CFAP20DC: variants seen among roughly 807,000 people sequenced by gnomAD.
The protein encoded by CFAP20DC is protein CFAP20DC.
CFAP20DC carries 84 observed loss-of-function variants against 101.7 expected under a neutral mutation model. The ratio of observed to expected loss-of-function variants is 0.83; its 90% CI spans 0.69 to 0.99. The LOEUF is 0.99. Ranked by LOEUF, CFAP20DC falls within the 50% of genes least tolerant of loss-of-function variation. CFAP20DC has a pLI of 0.00. For missense variants in CFAP20DC, 1,007 were observed against 970.3 expected (o/e 1.04, Z -0.50); for synonymous variants, 359 against 351.2 (o/e 1.02, Z -0.25).
intron 15 of CFAP20DC, among the ~76,000 whole-genome samples, chr3:58,791,141 A>G (rs1249594900): frequency 3.9e-5 from 6 of 152,060 alleles, no homozygotes. Flanking sequence ...GGGTTAAATC[A>G]TCTCCCTGAT....
At chr3:58,816,469 C>T (rs1187291434) in intron 14 of CFAP20DC, among the ~76,000 whole-genome samples, 1 of 152,164 alleles carries the variant, frequency 6.6e-6, no homozygotes, top group Non-Finnish European at 1.5e-5. Flanking sequence ...CGAGGCATTG[C>T]CTCACCTGGG....
intron 5 of CFAP20DC, among the ~76,000 whole-genome samples, chr3:58,929,517 C>G (rs932147206): frequency 2.0e-5 from 3 of 152,078 alleles, no homozygotes; most frequent in African/African-American, 7.2e-5. Flanking sequence ...AGGCATTTCC[C>G]TAAATGTCTT....
chr3:58,936,318 T>A (rs569223115), intron 5 of CFAP20DC, among the ~76,000 whole-genome samples: 58 of 152,138 alleles, frequency 3.8e-4, no homozygotes, highest in Non-Finnish European at 6.0e-4. Context: ...AATTTTACAC[T>A]GTTGCTGGGA....
At chr3:59,013,549 G>T (rs1041437046) in intron 4 of CFAP20DC, among the ~76,000 whole-genome samples, 7 of 152,056 alleles carry the variant, frequency 4.6e-5, no homozygotes, top group Admixed American at 2.6e-4. Flanking sequence ...ACTACAAATT[G>T]TTTGCATTTT....
In CFAP20DC at chr3:58,723,875, G is replaced by GT. The variant is rs536380746; in HGVS notation, c.198-6248dup. Among the ~76,000 whole-genome samples, 7 of 152,278 alleles carry GT rather than the reference G, an allele frequency of 4.6e-5. No individual in the cohort carries two copies. In the South Asian group the frequency reaches 1.2e-3, roughly 27 times the overall value. On this transcript the variant is annotated intron_variant, in intron 3 of 3. Coordinates refer to the CFAP20DC transcript ENST00000486145. ...AGTGGCATAGGGTTTAATAAAAAAT[G>GT]TTTTTTTATGGGAAAGGACAACCAT...
rs2080199954 is a variant in CFAP20DC, at chr3:58,871,393, A to G, written c.716-1084T>C. ...CCCTGAAGGTTTTAGAGAGAAAGAG[A>G]GCAAAACAGTGTCACCTTCAGGATA... is the stretch of plus-strand genomic sequence containing the variant. On this transcript the variant is annotated intron_variant, in intron 7 of 16. Coordinates refer to ENST00000482387, the MANE Select transcript of CFAP20DC (RefSeq NM_001394063.1). 2.6e-5 allele frequency among the ~76,000 whole-genome samples: 4 copies of G among 152,164 alleles called. No homozygotes were observed. The South Asian group carries it at 8.3e-4, about 32-fold the overall frequency.
At chr3:58,927,106 C>A (rs1402735912) in intron 5 of CFAP20DC, among the ~76,000 whole-genome samples, 4 of 152,200 alleles carry the variant, frequency 2.6e-5, no homozygotes, top group South Asian at 4.2e-4. Flanking sequence ...CCATTGAAAA[C>A]CCAAGTTAAA....
rs1247199084 is a variant in CFAP20DC at position 58,864,080 on chromosome 3, T to A, written c.1259-188A>T. Among the ~76,000 whole-genome samples the A allele has an allele frequency of 6.6e-6, 1 of 152,168 alleles. No individual in the cohort carries two copies. Among genetic ancestry groups the A allele is most frequent in the African/African-American group, 2.4e-5 (1 of 41,444 alleles). On this transcript the variant is annotated intron_variant, in intron 11 of 16. Transcript: ENST00000482387. This position sits in a 1 kb window ranked among gnomAD's most constrained non-coding sequence, Gnocchi z 4.7. ...TTCAAGTGATTCTCCTGCCTGAGCCTCCTGAGTAGGTGGGATTACAGGTGC... is the reference window on the plus strand; with the variant it reads ...TTCAAGTGATTCTCCTGCCTGAGCCACCTGAGTAGGTGGGATTACAGGTGC...
intron 4 of CFAP20DC, among the ~76,000 whole-genome samples, chr3:58,937,964 A>G (rs569564487): frequency 6.6e-6 from 1 of 152,344 alleles, no homozygotes; most frequent in East Asian, 1.9e-4. Flanking sequence ...GCCTGAATGT[A>G]TAAATTCACT....
chr3:58,923,370 GT>G (rs1477569147), intron 5 of CFAP20DC, among the ~76,000 whole-genome samples: 6 of 151,850 alleles, frequency 4.0e-5, no homozygotes, highest in African/African-American at 1.5e-4. Flanking sequence ...ATTTTTTTCA[GT>G]TTTGACAACT....
At chr3:59,040,219 A>G (rs1699240998) in intron 3 of CFAP20DC, among the ~76,000 whole-genome samples, 1 of 152,080 alleles carries the variant, frequency 6.6e-6, no homozygotes, top group Non-Finnish European at 1.5e-5. Context: ...TAATTAATTT[A>G]ATGTTCACTG....
At chr3:59,038,762 C>T (rs560173705) in intron 4 of CFAP20DC, among the ~76,000 whole-genome samples, 72 of 152,002 alleles carry the variant, frequency 4.7e-4, no homozygotes, top group African/African-American at 1.6e-3. Flanking sequence ...TGTTTGATGG[C>T]TTCACTGAAA....
chr3:58,863,521 T>C lies in CFAP20DC; in HGVS notation c.1593+37A>G, dbSNP rs2079420881. 6.2e-7 allele frequency: 1 copy of C among 1,609,078 alleles called. No homozygotes were observed. Among genetic ancestry groups the C allele is most frequent in the Non-Finnish European group, 8.5e-7 (1 of 1,178,432 alleles). On this transcript the variant is annotated intron_variant, in intron 12 of 16. Coordinates refer to ENST00000482387, the MANE Select transcript of CFAP20DC (RefSeq NM_001394063.1). The surrounding 1 kb of genome is among the most constrained non-coding windows in gnomAD (Gnocchi z 5.9). ...TGCTTATTGGAGCTAAGGAAACAAC[T>C]GTGCTTCAAGACTACTTCACTTATC...
chr3:58,959,225 G>T (rs1311965138), intron 4 of CFAP20DC, among the ~76,000 whole-genome samples: 4 of 152,102 alleles, frequency 2.6e-5, no homozygotes, highest in African/African-American at 9.7e-5. Context: ...CTCCCAAATA[G>T]CTGGGATTAC....
At chr3:58,842,301 G>T (rs1048441026) in intron 13 of CFAP20DC, among the ~76,000 whole-genome samples, 5 of 152,184 alleles carry the variant, frequency 3.3e-5, no homozygotes, top group African/African-American at 9.6e-5. Context: ...CAGGCCAGTG[G>T]GTGCGCGCAC....
intron 4 of CFAP20DC, among the ~76,000 whole-genome samples, chr3:59,022,508 T>C (rs903484832): frequency 3.3e-5 from 5 of 152,120 alleles, no homozygotes; most frequent in African/African-American, 1.2e-4. Flanking sequence ...TCAATAATCA[T>C]ATATGGTTTT....
At chr3:58,856,437 G>A (rs1041986024) in intron 12 of CFAP20DC, among the ~76,000 whole-genome samples, 22 of 152,222 alleles carry the variant, frequency 1.4e-4, no homozygotes, top group Admixed American at 7.9e-4. Context: ...TAAGACAGGC[G>A]AAAATATTTT....
At chr3:58,847,701 T>C (rs2077804483) in intron 13 of CFAP20DC, among the ~76,000 whole-genome samples, 1 of 144,044 alleles carries the variant, frequency 6.9e-6, no homozygotes, top group African/African-American at 2.6e-5. Flanking sequence ...CATGCTGCTA[T>C]AAAGACACAT....
chr3:58,880,561 C>T (rs1360703566), intron 7 of CFAP20DC, among the ~76,000 whole-genome samples: 1 of 151,980 alleles, frequency 6.6e-6, no homozygotes, highest in Non-Finnish European at 1.5e-5. Flanking sequence ...AAAAGTAACA[C>T]AATTGTCAAA....
Sources: allele counts gnomAD v4.1 joint callset (sites outside exome capture counted in the v4.1 genomes callset), GRCh38; gene constraint gnomAD v4.1.1; non-coding constraint Gnocchi (gnomAD v3.1); transcripts MANE v1.5; gene names NCBI Gene and HGNC (gene_info 2026-07-23, HGNC 2026-07-21).